Variants in ROS1 observed in about 807,000 individuals in gnomAD.
ROS1 encodes ROS proto-oncogene 1, receptor tyrosine kinase.
A neutral mutation model predicts 273.5 loss-of-function variants in ROS1; 263 were observed. The observed-to-expected ratio is 0.96, with a 90% CI of 0.87 to 1.06. The LOEUF is 1.06. Among genes scored for constraint, ROS1 ranks in the 50% least tolerant of loss-of-function variants. The pLI, the probability that ROS1 is intolerant of heterozygous loss-of-function variation, is 0.00. For synonymous variants in ROS1, 1,008 were observed against 954.1 expected (o/e 1.06, Z -1.04); for missense variants, 2,833 against 2,751.1 (o/e 1.03, Z -0.67).
chr6:117,382,648 T>C (rs1011552091), intron 17 of ROS1, among the ~76,000 whole-genome samples: 2 of 152,144 alleles, frequency 1.3e-5, no homozygotes, highest in East Asian at 3.8e-4. Flanking sequence ...AAATAGTTAT[T>C]GCTTGTAAAA....
At chr6:117,352,687 T>A (rs1000564676) in intron 27 of ROS1, among the ~76,000 whole-genome samples, 1 of 151,782 alleles carries the variant, frequency 6.6e-6, no homozygotes, top group Non-Finnish European at 1.5e-5. Context: ...AAAGGAGAAA[T>A]AAGAGAAAGA....
chr6:117,321,603 T>C (rs890687686), intron 35 of ROS1, among the ~76,000 whole-genome samples: 1 of 152,146 alleles, frequency 6.6e-6, no homozygotes, highest in African/African-American at 2.4e-5. Context: ...CAAATCATAC[T>C]ACACCATTTT....
chr6:117,406,572 T>C (rs1774421278), intron 5 of ROS1, among the ~76,000 whole-genome samples: 1 of 152,180 alleles, frequency 6.6e-6, no homozygotes, highest in Non-Finnish European at 1.5e-5. Flanking sequence ...ATAATTAAGT[T>C]GGTAATATAA....
intron 17 of ROS1, among the ~76,000 whole-genome samples, chr6:117,380,974 A>T (rs1582797265): frequency 1.3e-5 from 2 of 152,242 alleles, no homozygotes; most frequent in South Asian, 4.1e-4. Flanking sequence ...ATTGCAAAAT[A>T]TATTATTACT....
chr6:117,355,939 A>G (rs1188255502), intron 26 of ROS1, among the ~76,000 whole-genome samples: 1 of 152,204 alleles, frequency 6.6e-6, no homozygotes, highest in Non-Finnish European at 1.5e-5. Flanking sequence ...AACTTAAATA[A>G]CCACATGTGG....
chr6:117,407,580 A>G (rs1424072421), intron 5 of ROS1, among the ~76,000 whole-genome samples: 1 of 152,196 alleles, frequency 6.6e-6, no homozygotes, highest in Admixed American at 6.5e-5. Flanking sequence ...TTTTAGCTGA[A>G]TAATGAAAGG....
intron 5 of ROS1, among the ~76,000 whole-genome samples, chr6:117,408,468 C>G (rs1379030258): frequency 6.6e-6 from 1 of 152,166 alleles, no homozygotes; most frequent in Non-Finnish European, 1.5e-5. Context: ...AAAAAATGCT[C>G]ATCATCACTG....
At position 117,396,931 on chromosome 6, in the gene ROS1, G is replaced by A. The variant is rs1337789269; in HGVS notation, c.790C>T (p.Pro264Ser). ...RTSFQFYSTL[P>S]NTIYRFSIAA... ...AATTCTTACCTGTAGATAGTATTTG[G>A]TAAAGTGGAGTAAAACTGGAAACTG... The change falls in exon 8 of 44, where the codon CCA (proline) becomes TCA (serine). Residue 264 changes from proline (P) to serine (S), a missense_variant. Pro to Ser is a moderately conservative substitution (Grantham distance 74). Coordinates refer to ENST00000368507, the MANE Select transcript of ROS1 (RefSeq NM_001378902.1). The A allele has an allele frequency of 2.0e-5, 33 of 1,612,586 alleles. 1 individual carries two copies. Among genetic ancestry groups the A allele is most frequent in the Non-Finnish European group, 2.4e-5 (28 of 1,178,652 alleles).
intron 17 of ROS1, 142 bp downstream of exon 17, chr6:117,383,175 A>G (rs1772292422): frequency 1.8e-6 from 1 of 568,236 alleles, no homozygotes; most frequent in Admixed American, 3.2e-5. Flanking sequence ...AATAACAGAA[A>G]ACTTGGTTAA....
At chr6:117,298,111 C>A (rs1201177962) in intron 43 of ROS1, among the ~76,000 whole-genome samples, 1 of 152,008 alleles carries the variant, frequency 6.6e-6, no homozygotes, top group Non-Finnish European at 1.5e-5. Flanking sequence ...TGAAACAAGA[C>A]AAACACAGAA....
chr6:117,394,599 A>G lies in ROS1; in HGVS notation c.1006+17T>C, dbSNP rs1773342069. Reference sequence around the variant, plus strand: ...TTCTTTTCACACTAAGGAATCATTTATCCTTATCATACTGACCTGTAATAT... The same window carrying G: ...TTCTTTTCACACTAAGGAATCATTTGTCCTTATCATACTGACCTGTAATAT... On this transcript the variant is annotated intron_variant, in intron 10 of 43. Transcript: ENST00000368507. 3.2e-6 allele frequency: 5 copies of G among 1,552,122 alleles called. 1 individual carries two copies. Among genetic ancestry groups the G allele is most frequent in the Non-Finnish European group, 3.5e-6 (4 of 1,151,272 alleles).
intron 21 of ROS1, among the ~76,000 whole-genome samples, chr6:117,363,733 T>C (rs1024839536): frequency 1.3e-5 from 2 of 152,172 alleles, no homozygotes; most frequent in East Asian, 3.9e-4. Context: ...CAGCTTGATA[T>C]AGGTGAAGGT....
chr6:117,396,446 T>C (rs1274219682), intron 8 of ROS1, among the ~76,000 whole-genome samples, 182 bp from the exon 9 acceptor site: 2 of 152,178 alleles, frequency 1.3e-5, no homozygotes, highest in Non-Finnish European at 2.9e-5. Context: ...TGCATTCCCC[T>C]AGAACAGTTC....
At chr6:117,368,985 T>A (rs1349407561) in intron 18 of ROS1, among the ~76,000 whole-genome samples, 1 of 152,222 alleles carries the variant, frequency 6.6e-6, no homozygotes, top group African/African-American at 2.4e-5. Flanking sequence ...GTTTTTACTT[T>A]TTTTAATGAG....
At chr6:117,328,453 A>G (rs1776805177) in intron 33 of ROS1, 1 of 338,198 alleles carries the variant, frequency 3.0e-6, no homozygotes, top group Non-Finnish European at 5.6e-6. Flanking sequence ...ACTCTGCATG[A>G]AAAGCAGCAA....
At chr6:117,424,125 A>G (rs1293937710) in intron 1 of ROS1, among the ~76,000 whole-genome samples, 1 of 152,204 alleles carries the variant, frequency 6.6e-6, no homozygotes, top group African/African-American at 2.4e-5. Context: ...AATATTGGAA[A>G]CAACTAAAAT....
At chr6:117,372,393 G>C (rs907748223) in intron 18 of ROS1, among the ~76,000 whole-genome samples, 1 of 152,194 alleles carries the variant, frequency 6.6e-6, no homozygotes, top group African/African-American at 2.4e-5. Context: ...AATTAATTCA[G>C]TAAACTTTCA....
At chr6:117,324,656 CT>C (rs1276708508) in intron 34 of ROS1, among the ~76,000 whole-genome samples, 37 of 152,236 alleles carry the variant, frequency 2.4e-4, no homozygotes, top group African/African-American at 8.2e-4. Flanking sequence ...AATATATCCA[CT>C]CAATCTTCTA....
chr6:117,300,086 C>CTTTTTTTTTTTTTTTTTTT (rs10700318), intron 43 of ROS1, among the ~76,000 whole-genome samples: 6 of 31,842 alleles, frequency 1.9e-4, no homozygotes, highest in Admixed American at 5.5e-4. Context: ...CCAGGACAGG[C>CTTTTTTTTTTTTTTTTTTT]TTTTTTTTTT....
Sources: allele counts gnomAD v4.1 joint callset (sites outside exome capture counted in the v4.1 genomes callset), GRCh38; gene constraint gnomAD v4.1.1; transcripts MANE v1.5; gene names NCBI Gene and HGNC (gene_info 2026-07-23, HGNC 2026-07-21).